XRCC4: variants seen among roughly 807,000 people sequenced by gnomAD.
The protein encoded by XRCC4 is DNA repair protein XRCC4.
A neutral mutation model predicts 39.1 loss-of-function variants in XRCC4; 28 were observed. That is an observed-to-expected ratio of 0.72 (90% CI 0.53 to 0.98). The LOEUF (loss-of-function observed/expected upper bound fraction) is 0.98, where lower values mean the gene tolerates loss of function less well. Ranked by LOEUF, XRCC4 falls within the 50% of genes least tolerant of loss-of-function variation. XRCC4 has a pLI of 0.00. For missense variants in XRCC4, 350 were observed against 376.4 expected, an observed-to-expected ratio of 0.93 and a Z score of 0.58; for synonymous variants, 123 against 126.4, an observed-to-expected ratio of 0.97 and a Z score of 0.18.
At chr5:83,202,897 G>A (rs1305578609) in intron 4 of XRCC4, among the ~76,000 whole-genome samples, 1 of 152,090 alleles carries the variant, frequency 6.6e-6, no homozygotes, top group African/African-American at 2.4e-5. Flanking sequence ...AAAAACAATA[G>A]AGAATTTTGT....
intron 6 of XRCC4, among the ~76,000 whole-genome samples, chr5:83,255,437 T>G (rs915453060): frequency 2.6e-5 from 4 of 152,162 alleles, no homozygotes; most frequent in Non-Finnish European, 4.4e-5. Context: ...TCATGCCAAT[T>G]TTATAGAAAG....
chr5:83,229,149 G>A (rs1350295573), intron 6 of XRCC4, among the ~76,000 whole-genome samples: 1 of 151,992 alleles, frequency 6.6e-6, no homozygotes. Flanking sequence ...TTGATATAAA[G>A]TTCCACTACT....
intron 7 of XRCC4, among the ~76,000 whole-genome samples, chr5:83,261,340 C>CGT: frequency 6.6e-6 from 1 of 152,112 alleles, no homozygotes; most frequent in Admixed American, 6.6e-5. Context: ...TCATCAAAAA[C>CGT]ATAAACATCA....
chr5:83,176,044 T>C (rs1029947406), intron 3 of XRCC4, among the ~76,000 whole-genome samples: 4 of 151,788 alleles, frequency 2.6e-5, no homozygotes, highest in Admixed American at 6.6e-5. Context: ...ATAATAATAA[T>C]AATAATAATG....
chr5:83,336,580 AT>A (rs1397045499), intron 7 of XRCC4, among the ~76,000 whole-genome samples: 2 of 152,126 alleles, frequency 1.3e-5, no homozygotes, highest in African/African-American at 4.8e-5. Flanking sequence ...ATGATTGCTT[AT>A]TTGCCCTGTT....
intron 1 of XRCC4, among the ~76,000 whole-genome samples, chr5:83,092,993 A>C (rs1745498329): frequency 6.8e-6 from 1 of 147,126 alleles, no homozygotes; most frequent in South Asian, 2.2e-4. Context: ...TCTCCTATAA[A>C]AGACAAGGAG....
chr5:83,163,592 G>A (rs1337419088), intron 3 of XRCC4, among the ~76,000 whole-genome samples: 1 of 152,154 alleles, frequency 6.6e-6, no homozygotes, highest in Non-Finnish European at 1.5e-5. Flanking sequence ...ACAGATTCCT[G>A]GTATTTATGG....
At chr5:83,267,508 G>C (rs1753997401) in intron 7 of XRCC4, among the ~76,000 whole-genome samples, 1 of 152,136 alleles carries the variant, frequency 6.6e-6, no homozygotes, top group African/African-American at 2.4e-5. Flanking sequence ...TGGGCAATTT[G>C]GGGATCTTGC....
intron 2 of XRCC4, among the ~76,000 whole-genome samples, chr5:83,110,817 C>T (rs376907445): frequency 2.0e-5 from 3 of 151,934 alleles, no homozygotes; most frequent in African/African-American, 4.8e-5. Flanking sequence ...ATGTATTTTA[C>T]GAGATGTGAG....
At chr5:83,087,650 G>A (rs552480805) in intron 1 of XRCC4, among the ~76,000 whole-genome samples, 1 of 151,916 alleles carries the variant, frequency 6.6e-6, no homozygotes, top group South Asian at 2.1e-4. Flanking sequence ...GTGACAGAGT[G>A]AGACCCTGTG....
chr5:83,270,785 A>ATG (rs1754117415), intron 7 of XRCC4, among the ~76,000 whole-genome samples: 1 of 62,168 alleles, frequency 1.6e-5, no homozygotes, highest in South Asian at 6.9e-4. Context: ...ACATATATAT[A>ATG]TGTATATATT....
At chr5:83,173,473 G>T (rs931307631) in intron 3 of XRCC4, among the ~76,000 whole-genome samples, 3 of 152,088 alleles carry the variant, frequency 2.0e-5, no homozygotes, top group Non-Finnish European at 4.4e-5. Context: ...GCTTTAGGAA[G>T]TTGCTTTTGA....
intron 1 of XRCC4, among the ~76,000 whole-genome samples, chr5:83,080,899 A>ATCT: frequency 6.6e-6 from 1 of 152,324 alleles, no homozygotes; most frequent in East Asian, 1.9e-4. Context: ...TGTTGTTAAG[A>ATCT]ACTATGGTAA....
intron 7 of XRCC4, among the ~76,000 whole-genome samples, chr5:83,322,870 G>T (rs1311742848): frequency 6.6e-6 from 1 of 152,102 alleles, no homozygotes; most frequent in Non-Finnish European, 1.5e-5. Flanking sequence ...CAGACTTCTG[G>T]ACTCCAGAAC....
intron 2 of XRCC4, among the ~76,000 whole-genome samples, chr5:83,108,090 CA>C (rs1746283215): frequency 6.6e-6 from 1 of 151,898 alleles, no homozygotes; most frequent in Non-Finnish European, 1.5e-5. Flanking sequence ...TGACTTCTAC[CA>C]GTTCCTTGTT....
At chr5:83,270,230 G>GCTTACTTA in intron 7 of XRCC4, among the ~76,000 whole-genome samples, 2 of 152,250 alleles carry the variant, frequency 1.3e-5, no homozygotes, top group East Asian at 3.9e-4. Context: ...TACAGATGAA[G>GCTTACTTA]CTTACTTACT....
intron 7 of XRCC4, among the ~76,000 whole-genome samples, chr5:83,297,328 C>A (rs1271714084): frequency 6.6e-6 from 1 of 151,884 alleles, no homozygotes; most frequent in Non-Finnish European, 1.5e-5. Context: ...TTAATTTTAA[C>A]TTCACCTATT....
intron 7 of XRCC4, among the ~76,000 whole-genome samples, chr5:83,348,112 T>A (rs1335144548): frequency 2.6e-5 from 4 of 152,162 alleles, no homozygotes; most frequent in Non-Finnish European, 5.9e-5. Flanking sequence ...CCATGGCTGC[T>A]TTCATAGGCT....
At chr5:83,369,617 A>G in the XRCC4 span, among the ~76,000 whole-genome samples, 1 of 152,182 alleles carries the variant, frequency 6.6e-6, no homozygotes, top group Non-Finnish European at 1.5e-5. Flanking sequence ...TCCACGGTGT[A>G]TATGTACCAC....
Sources: gnomAD v4.1 joint callset for allele counts (sites outside exome capture counted in the v4.1 genomes callset) on GRCh38, gnomAD v4.1.1 for gene constraint, MANE v1.5 for transcripts, NCBI Gene and HGNC (gene_info 2026-07-23, HGNC 2026-07-21) for gene names.